KLHL42: variants seen among roughly 807,000 people sequenced by gnomAD.
KLHL42 encodes kelch like family member 42, also known as kelch-like protein 42.
A neutral mutation model predicts 32.7 loss-of-function variants in KLHL42; 27 were observed. The ratio of observed to expected loss-of-function variants is 0.83; its 90% CI spans 0.61 to 1.14. KLHL42 has a LOEUF of 1.14. Ranked by LOEUF, KLHL42 falls within the 50% of genes most tolerant of loss-of-function variation. KLHL42 has a pLI of 0.00. For missense variants in KLHL42, 491 were observed against 560.8 expected, an observed-to-expected ratio of 0.88 and a Z score of 1.26; for synonymous variants, 267 against 248.2, an observed-to-expected ratio of 1.08 and a Z score of -0.71.
chr12:27,798,262 A>G lies in KLHL42; in HGVS notation c.*96A>G. 1.5e-6 allele frequency: 1 copy of G among 673,254 alleles called. No individual in the cohort carries two copies. Among genetic ancestry groups the G allele is most frequent in the Non-Finnish European group, 2.7e-6 (1 of 374,674 alleles). The allele number at this position is 673,254 out of a possible 1,614,324, so 41.7% of individuals were successfully genotyped here. On this transcript the variant is annotated 3_prime_UTR_variant, in exon 3 of 3. Transcript: ENST00000381271. Reference sequence around the variant, plus strand: ...GAGACCAATTCCTAAAGGGTAAAGAAGGGTTAAAGTAGGTCACATATATAC... The same window carrying G: ...GAGACCAATTCCTAAAGGGTAAAGAGGGGTTAAAGTAGGTCACATATATAC...
Position 27,797,938 on chromosome 12 carries a change from C to T in KLHL42, c.1290C>T (p.Tyr430=), listed in dbSNP as rs772644445. The T allele has an allele frequency of 5.1e-6, 4 of 781,040 alleles. No homozygotes were observed. Among genetic ancestry groups the T allele is most frequent in the East Asian group, 4.8e-5 (2 of 41,242 alleles). 48.4% of individuals were successfully genotyped at this position (781,040 alleles called of 1,614,324 possible). A position where few individuals can be genotyped will look rare whatever the true frequency, so the allele number is the denominator to read the frequency against. Residue 430 remains tyrosine (Y), a synonymous_variant, in exon 3 of 3, where the codon TAC becomes TAT. Transcript: ENST00000381271. ...ACACCGTCACCCGCCAGTGGCTCTA[C>T]CTCAAGGAGAACACGTCCAAATCGG... The part of the protein sequence containing the change: ...SYNTVTRQWL[Y]LKENTSKSGL...
chr12:27,782,057 G>C (rs545999862), intron 1 of KLHL42, among the ~76,000 whole-genome samples: 2 of 152,272 alleles, frequency 1.3e-5, no homozygotes, highest in Admixed American at 6.5e-5. Context: ...CAGAAGCAGG[G>C]AAAAGAATCA....
intron 2 of KLHL42, 134 bp from the exon 3 acceptor site, chr12:27,797,580 TC>T: frequency 1.5e-6 from 1 of 653,946 alleles, no homozygotes; most frequent in African/African-American, 1.8e-5. Flanking sequence ...AAACTGTTTT[TC>T]TAACTTGTGC....
At chr12:27,781,415 G>A (rs1039514438) in intron 1 of KLHL42, among the ~76,000 whole-genome samples, 2 of 152,140 alleles carry the variant, frequency 1.3e-5, no homozygotes, top group African/African-American at 4.8e-5. Context: ...GAAGTGGAGT[G>A]GTTTTTTGGC....
intron 1 of KLHL42, among the ~76,000 whole-genome samples, chr12:27,788,474 T>C (rs1226401511): frequency 6.6e-6 from 1 of 152,240 alleles, no homozygotes; most frequent in Non-Finnish European, 1.5e-5. Context: ...TATGGTTGTA[T>C]GTAGCTACTG....
rs2062144316 is a variant in KLHL42, at chr12:27,780,885, G to A, written c.555G>A (p.Leu185=). ...APGDVSLKQR[L]REARMTGTPV... ...GGGATGTCAGCCTGAAGCAGAGGCTGAGGGAGGCCCGGATGACTGGGACTC... is the reference window on the plus strand; with the variant it reads ...GGGATGTCAGCCTGAAGCAGAGGCTAAGGGAGGCCCGGATGACTGGGACTC... The change falls in exon 1 of 3, where the codon CTG becomes CTA. Residue 185 remains leucine (L), a synonymous_variant. Transcript: ENST00000381271. This position sits in a 1 kb window ranked among gnomAD's most constrained non-coding sequence, Gnocchi z 8.8. 6.2e-7 allele frequency: 1 copy of A among 1,612,330 alleles called. No homozygotes were observed. The highest frequency in any genetic ancestry group is 1.3e-5 in the African/African-American group (1 of 74,896).
At position 27,802,039 on chromosome 12, in the gene KLHL42, G is replaced by A. The variant is rs4930976; in HGVS notation, c.*3873G>A. 151,473 of 152,226 alleles carry A rather than the reference G, an allele frequency of 1. 75,367 individuals are homozygous for A. Among genetic ancestry groups the A allele is most frequent in the East Asian group, 1 (5,184 of 5,184 alleles). 9.4% of individuals were successfully genotyped at this position (152,226 alleles called of 1,614,324 possible). On this transcript the variant is annotated 3_prime_UTR_variant, in exon 3 of 3. Coordinates refer to ENST00000381271, the MANE Select transcript of KLHL42 (RefSeq NM_020782.2). ...TGGTGGTCCCTTCGGTCTTGGCCCT[G>A]TCCGTCCTTTGTTTTTGTGATTTAC...
At position 27,780,324 on chromosome 12, in the gene KLHL42, C is replaced by A; in HGVS notation, c.-7C>A. The A allele has an allele frequency of 6.4e-7, 1 of 1,556,388 alleles. No homozygotes were observed. The highest frequency in any genetic ancestry group is 8.7e-7 in the Non-Finnish European group (1 of 1,155,668). ...CGGTGAGCGCTGCCGCCCCGGGGCC[C>A]CCAGCCATGTCGGCCGAGGAGATGG... On this transcript the variant is annotated 5_prime_UTR_variant, in exon 1 of 3. Coordinates refer to ENST00000381271, the MANE Select transcript of KLHL42 (RefSeq NM_020782.2). The surrounding 1 kb of genome is among the most constrained non-coding windows in gnomAD (Gnocchi z 8.8).
In KLHL42 at chr12:27,783,867, A is replaced by G. The variant is rs955057554; in HGVS notation, c.872+2665A>G. ...CCAAAGTGCTGGGATTACAGGCGTG[A>G]GCCACCGCGCCCGGCCTTACCTCAC... On this transcript the variant is annotated intron_variant, in intron 1 of 2. Coordinates refer to ENST00000381271, the MANE Select transcript of KLHL42 (RefSeq NM_020782.2). 9.2e-5 allele frequency among the ~76,000 whole-genome samples: 14 copies of G among 152,180 alleles called. No individual in the cohort carries two copies. The South Asian group carries it at 1.0e-3, about 11-fold the overall frequency.
rs1479103354 is a variant in KLHL42, at chr12:27,802,745, T to A, written c.*4579T>A. 30 of 152,368 alleles carry A rather than the reference T, an allele frequency of 2.0e-4. No homozygotes were observed. The highest frequency in any genetic ancestry group is 1.4e-3 in the Admixed American group (21 of 15,230). 9.4% of individuals were successfully genotyped at this position (152,368 alleles called of 1,614,324 possible). ...TGATTTACGTTGTCATTTTTCCTAT[T>A]AAAAAAAACCCTTAAGAATGGGGCA... On this transcript the variant is annotated 3_prime_UTR_variant, in exon 3 of 3. Transcript: ENST00000381271.
Position 27,799,724 on chromosome 12 carries a change from A to C in KLHL42, c.*1558A>C, listed in dbSNP as rs2062235945. ...CCATGGCCTCTAGTATACTTAAAAT[A>C]AGCGTCCAGTTATAAAAAGCCTATT... On this transcript the variant is annotated 3_prime_UTR_variant, in exon 3 of 3. Coordinates refer to ENST00000381271, the MANE Select transcript of KLHL42 (RefSeq NM_020782.2). 6.5e-6 allele frequency: 1 copy of C among 152,988 alleles called. No individual in the cohort carries two copies. Among genetic ancestry groups the C allele is most frequent in the South Asian group, 2.1e-4 (1 of 4,842 alleles). The allele number at this position is 152,988 out of a possible 1,614,324, so 9.5% of individuals were successfully genotyped here.
At chr12:27,790,535 C>T (rs746319084) in intron 1 of KLHL42, among the ~76,000 whole-genome samples, 2 of 152,080 alleles carry the variant, frequency 1.3e-5, no homozygotes, top group South Asian at 2.1e-4. Context: ...TGTGCTATAT[C>T]GAAACAAATT....
rs2062228315 is a variant in KLHL42 at position 27,798,128 on chromosome 12, G to A, written c.1480G>A (p.Val494Ile). ...RFPAFGHNLL[V>I]SSLYLPNKAE... The stretch of plus-strand genomic sequence containing the variant: ...TCCAGCTTTTGGACATAACTTGCTG[G>A]TTTCTTCTCTTTATCTGCCCAATAA... The change falls in exon 3 of 3, where the codon GTT becomes ATT. Residue 494 changes from valine (V) to isoleucine (I), a missense_variant. By Grantham distance (29) the Val-to-Ile change is conservative (BLOSUM62 3). Coordinates refer to ENST00000381271, the MANE Select transcript of KLHL42 (RefSeq NM_020782.2). The A allele has an allele frequency of 6.4e-6, 5 of 780,456 alleles. No individual in the cohort carries two copies. The highest frequency in any genetic ancestry group is 1.2e-5 in the Non-Finnish European group (5 of 417,896). The allele number at this position is 780,456 out of a possible 1,614,324, so 48.3% of individuals were successfully genotyped here. A position where few individuals can be genotyped will look rare whatever the true frequency, so the allele number is the denominator to read the frequency against.
At chr12:27,786,204 C>T (rs887507810) in intron 1 of KLHL42, among the ~76,000 whole-genome samples, 1 of 152,162 alleles carries the variant, frequency 6.6e-6, no homozygotes, top group Non-Finnish European at 1.5e-5. Context: ...TTGCAGGGAC[C>T]ATCTTCATGC....
intron 2 of KLHL42, among the ~76,000 whole-genome samples, chr12:27,793,099 A>C (rs576634517): frequency 6.6e-6 from 1 of 152,294 alleles, no homozygotes; most frequent in East Asian, 1.9e-4. Context: ...GTCTCAGGTT[A>C]CAGTGATAGA....
rs1242309102 is a variant in KLHL42, at chr12:27,801,304, AG to A, written c.*3141del. 4 of 152,336 alleles carry A rather than the reference AG, an allele frequency of 2.6e-5. No individual in the cohort carries two copies. Among genetic ancestry groups the A allele is most frequent in the Non-Finnish European group, 4.4e-5 (3 of 68,028 alleles). 9.4% of individuals were successfully genotyped at this position (152,336 alleles called of 1,614,324 possible). The stretch of plus-strand genomic sequence containing the variant: ...GATGGGCAAAATTCTTTCTCTACAA[AG>A]GGAGTAATCAAGTAAATACCTGTTC... On this transcript the variant is annotated 3_prime_UTR_variant, in exon 3 of 3. Transcript: ENST00000381271.
chr12:27,784,193 G>A lies in KLHL42; in HGVS notation c.872+2991G>A, dbSNP rs1046355060. Among the ~76,000 whole-genome samples the A allele has an allele frequency of 7.5e-5, 11 of 147,010 alleles. No individual in the cohort carries two copies. The East Asian group carries it at 1.8e-3, about 24-fold the overall frequency. On this transcript the variant is annotated intron_variant, in intron 1 of 2. Coordinates refer to ENST00000381271, the MANE Select transcript of KLHL42 (RefSeq NM_020782.2). ...TCTGTTGCCCAGGCTGGAGTACAGT[G>A]ACGCGATCTCGGCTCACTGCAAGCT...
rs2062160920 is a variant in KLHL42, at chr12:27,784,120, G to GGTT, written c.872+2918_872+2919insGTT. Among the ~76,000 whole-genome samples the GGTT allele has an allele frequency of 7.6e-5, 10 of 131,180 alleles. No homozygotes were observed. The East Asian group carries it at 1.8e-3, about 24-fold the overall frequency. The allele number at this position is 131,180 out of a possible 152,430, so 86.1% of individuals were successfully genotyped here. On this transcript the variant is annotated intron_variant, in intron 1 of 2. Transcript: ENST00000381271. Reference sequence around the variant, plus strand: ...TGGATAGGTAGGGCAAAGTGTATGTGTTTTTTTTTTTTGTTTTTGTTTTTT... The same window carrying GGTT: ...TGGATAGGTAGGGCAAAGTGTATGTGGTTTTTTTTTTTTTTGTTTTTGTTTTTT...
chr12:27,800,296 T>C lies in KLHL42; in HGVS notation c.*2130T>C. 1.0e-6 allele frequency: 1 copy of C among 985,308 alleles called. No individual in the cohort carries two copies. The highest frequency in any genetic ancestry group is 1.2e-6 in the Non-Finnish European group (1 of 829,956). The allele number at this position is 985,308 out of a possible 1,614,324, so 61.0% of individuals were successfully genotyped here. A position where few individuals can be genotyped will look rare whatever the true frequency, so the allele number is the denominator to read the frequency against. Reference sequence around the variant, plus strand: ...ATTCTTGGACCAAGTGAGGGTGTACTCTGATCCACAAAGCTCTTTTATAAA... The same window carrying C: ...ATTCTTGGACCAAGTGAGGGTGTACCCTGATCCACAAAGCTCTTTTATAAA... On this transcript the variant is annotated 3_prime_UTR_variant, in exon 3 of 3. Transcript: ENST00000381271.
Sources: gnomAD v4.1 joint callset for allele counts (sites outside exome capture counted in the v4.1 genomes callset) on GRCh38, gnomAD v4.1.1 for gene constraint, Gnocchi (gnomAD v3.1) non-coding constraint, MANE v1.5 for transcripts, NCBI Gene and HGNC (gene_info 2026-07-23, HGNC 2026-07-21) for gene names.